The following INPP5K variants were observed in gnomAD, a reference collection of about 807,000 sequenced individuals.
INPP5K encodes the protein inositol polyphosphate 5-phosphatase K.
In INPP5K, 35 loss-of-function variants were observed where a neutral mutation model predicts 53.5. The observed-to-expected ratio is 0.65, with a 90% confidence interval of 0.50 to 0.87. The LOEUF is 0.87. Ranked by LOEUF, INPP5K falls within the 40% of genes least tolerant of loss-of-function variation. The probability of loss-of-function intolerance (pLI) is 0.00; values close to 1 mark genes in which losing one functional copy is unlikely to be tolerated. For missense variants in INPP5K, 550 were observed against 586.2 expected, an observed-to-expected ratio of 0.94 and a Z score of 0.64; for synonymous variants, 253 against 232.8, an observed-to-expected ratio of 1.09 and a Z score of -0.79.
At chr17:1,498,675 G>A (rs2074926725) in intron 7 of INPP5K, among the ~76,000 whole-genome samples, 1 of 152,166 alleles carries the variant, frequency 6.6e-6, no homozygotes, top group South Asian at 2.1e-4. Context: ...TGACATCACA[G>A]CTTACTGTAG....
intron 5 of INPP5K, chr17:1,508,944 C>T (rs1487212751): frequency 1.9e-5 from 7 of 376,942 alleles, no homozygotes; most frequent in Non-Finnish European, 2.8e-5. Flanking sequence ...CAGGCTCACT[C>T]GTGGGGGTCA....
chr17:1,496,007 C>T (rs575384636), intron 11 of INPP5K, 53 bp downstream of exon 11: 11 of 1,443,736 alleles, frequency 7.6e-6, no homozygotes, highest in Admixed American at 3.4e-5. Flanking sequence ...CTCAGGGAGC[C>T]AGTGATGAGC....
intron 7 of INPP5K, among the ~76,000 whole-genome samples, chr17:1,505,995 T>C (rs921323972): frequency 6.6e-6 from 1 of 152,170 alleles, no homozygotes; most frequent in Non-Finnish European, 1.5e-5. Context: ...TTTTAGTAAA[T>C]CTATCACGGG....
intron 7 of INPP5K, among the ~76,000 whole-genome samples, chr17:1,501,486 G>A (rs1027387182): frequency 6.6e-6 from 1 of 152,198 alleles, no homozygotes; most frequent in African/African-American, 2.4e-5. Flanking sequence ...TTAAGACGGG[G>A]TGATAACAGT....
In INPP5K at chr17:1,509,704, G is replaced by A; in HGVS notation, c.357C>T (p.Pro119=). Residue 119 remains proline (P), a synonymous_variant, in exon 4 of 12, where the codon CCC becomes CCT. Coordinates refer to ENST00000421807, the MANE Select transcript of INPP5K (RefSeq NM_016532.4). ...YIQILSTKST[P]TGLFGYWGNK... is the part of the protein sequence containing the mutation. ...TTACCCAGTACCCAAACAGGCCAGT[G>A]GGGGTGGATTTAGTAGACAGAATCT... 6.2e-7 allele frequency: 1 copy of A among 1,609,280 alleles called. No homozygotes were observed. The highest frequency in any genetic ancestry group is 2.2e-5 in the East Asian group (1 of 44,868).
At chr17:1,496,467 A>G in intron 9 of INPP5K, 65 bp from the exon 10 acceptor site, 1 of 1,405,592 alleles carries the variant, frequency 7.1e-7, no homozygotes, top group Non-Finnish European at 9.9e-7. Flanking sequence ...AGTCCTAAGG[A>G]AGAGATGGTC....
chr17:1,506,604 C>T (rs1422010005), intron 7 of INPP5K, among the ~76,000 whole-genome samples: 1 of 152,286 alleles, frequency 6.6e-6, no homozygotes, highest in Middle Eastern at 3.4e-3. Context: ...TCCTTAATAC[C>T]AGTAACTGGC....
In INPP5K at chr17:1,516,487, T is replaced by G; in HGVS notation, c.13A>C (p.Lys5Gln). The G allele has an allele frequency of 6.3e-7, 1 of 1,586,744 alleles. No individual in the cohort carries two copies. MSSR[K>Q]LSGPKGRRLS... is the part of the protein sequence containing the mutation. The stretch of plus-strand genomic sequence containing the variant: ...CTCCTGCCTTTCGGCCCGCTCAGCT[T>G]CCGCGAGCTCATGGCCGCCGTCGTC... Residue 5 changes from lysine to glutamine, a missense_variant, in exon 1 of 12, where the codon AAG (lysine) becomes CAG (glutamine). Transcript: ENST00000421807.
At chr17:1,496,916 G>C (rs994207590) in intron 8 of INPP5K, 113 bp from the exon 9 acceptor site, 102 of 1,104,804 alleles carry the variant, frequency 9.2e-5, no homozygotes, top group Non-Finnish European at 1.3e-4. Context: ...GGCACCCAGA[G>C]GGGGTGGGCA....
Position 1,507,084 on chromosome 17 carries a change from G to A in INPP5K, c.672C>T (p.Ser224=), listed in dbSNP as rs1240295096. 1 of 1,613,678 alleles carries A rather than the reference G, an allele frequency of 6.2e-7. No individual in the cohort carries two copies. The highest frequency in any genetic ancestry group is 8.5e-7 in the Non-Finnish European group (1 of 1,179,692). The change falls in exon 7 of 12, where the codon AGC becomes AGT. Residue 224 remains serine (S), a synonymous_variant. Transcript: ENST00000421807. The part of the protein sequence containing the change: ...YGGLWEKDQL[S]IAKKHDPLLR... Reference sequence around the variant, plus strand: ...GCAGCGGGTCATGTTTCTTGGCAATGCTGAGCTGCAGACAAAGTCATAGTC... The same window carrying A: ...GCAGCGGGTCATGTTTCTTGGCAATACTGAGCTGCAGACAAAGTCATAGTC...
Position 1,495,604 on chromosome 17 carries a change from C to A in INPP5K, c.*219G>T. ...TTGACACACTAGCTGGTTTCACTCA[C>A]ATCTCAGCAACAAAAACCTGTATTT... On this transcript the variant is annotated 3_prime_UTR_variant, in exon 12 of 12. Coordinates refer to ENST00000421807, the MANE Select transcript of INPP5K (RefSeq NM_016532.4). The A allele has an allele frequency of 1.8e-6, 1 of 552,056 alleles. No individual in the cohort carries two copies. Among genetic ancestry groups the A allele is most frequent in the Non-Finnish European group, 3.2e-6 (1 of 312,758 alleles). The allele number at this position is 552,056 out of a possible 1,614,324, so 34.2% of individuals were successfully genotyped here.
intron 9 of INPP5K, 84 bp from the exon 10 acceptor site, chr17:1,496,486 G>A: frequency 7.4e-7 from 1 of 1,353,290 alleles, no homozygotes; most frequent in Non-Finnish European, 1.0e-6. Flanking sequence ...TCTCCCTGCT[G>A]GGCCTGGCTA....
intron 3 of INPP5K, among the ~76,000 whole-genome samples, chr17:1,511,470 T>G (rs1339654377): frequency 2.6e-5 from 4 of 151,858 alleles, no homozygotes; most frequent in African/African-American, 9.7e-5. Context: ...AATCCCCGGG[T>G]GGGGAGCGTG....
intron 7 of INPP5K, among the ~76,000 whole-genome samples, chr17:1,505,178 T>C (rs952873766): frequency 2.0e-5 from 3 of 151,738 alleles, no homozygotes; most frequent in Non-Finnish European, 4.4e-5. Context: ...CCAGCTGGAG[T>C]GCAGTGAGTC....
intron 7 of INPP5K, 128 bp from the exon 8 acceptor site, chr17:1,498,250 C>A: frequency 2.6e-6 from 2 of 771,798 alleles, no homozygotes; most frequent in East Asian, 2.6e-5. Flanking sequence ...CACAGACCCC[C>A]GGGGCCAGAG....
intron 1 of INPP5K, chr17:1,515,869 CTTCTT>C (rs2075421871): frequency 1.0e-5 from 10 of 971,932 alleles, no homozygotes; most frequent in African/African-American, 1.8e-5. Context: ...TACTCAGAGA[CTTCTT>C]TTCCCAGACT....
At chr17:1,510,976 C>G (rs1042068206) in intron 3 of INPP5K, among the ~76,000 whole-genome samples, 2 of 152,024 alleles carry the variant, frequency 1.3e-5, no homozygotes, top group Admixed American at 6.6e-5. Context: ...ATGCAAAAAC[C>G]CATCAAAGTG....
chr17:1,510,897 G>A (rs1256910705), intron 3 of INPP5K, among the ~76,000 whole-genome samples: 1 of 152,118 alleles, frequency 6.6e-6, no homozygotes, highest in Non-Finnish European at 1.5e-5. Context: ...AAAGTGCTGG[G>A]ATTACAGGCA....
At chr17:1,503,593 G>A (rs1465465480) in intron 7 of INPP5K, among the ~76,000 whole-genome samples, 1 of 152,014 alleles carries the variant, frequency 6.6e-6, no homozygotes, top group Non-Finnish European at 1.5e-5. Flanking sequence ...GCGGGTGCCT[G>A]TAATCCTAGC....
Sources: allele counts gnomAD v4.1 joint callset (sites outside exome capture counted in the v4.1 genomes callset), GRCh38; gene constraint gnomAD v4.1.1; transcripts MANE v1.5; gene names NCBI Gene and HGNC (gene_info 2026-07-23, HGNC 2026-07-21).